The following POC1A variants were observed in gnomAD, a reference collection of about 807,000 sequenced individuals.
The protein encoded by POC1A is POC1 centriolar protein A.
In POC1A, 34 loss-of-function variants were observed where a neutral mutation model predicts 47.8. The observed-to-expected ratio is 0.71, with a 90% CI of 0.54 to 0.95. The LOEUF is 0.95. Among genes scored for constraint, POC1A ranks in the 40% least tolerant of loss-of-function variants. The pLI, the probability that POC1A is intolerant of heterozygous loss-of-function variation, is 0.00. For missense variants in POC1A, 466 were observed against 528.3 expected (o/e 0.88, Z 1.16); for synonymous variants, 177 against 207.6 (o/e 0.85, Z 1.27).
At chr3:52,154,203 GC>G in intron 1 of POC1A, 151 bp downstream of exon 1, 2 of 782,332 alleles carry the variant, frequency 2.6e-6, no homozygotes, top group Non-Finnish European at 4.0e-6. Flanking sequence ...CCGACCCAGC[GC>G]CCCCTGCGCA....
chr3:52,095,434 G>A (rs1702783288), intron 10 of POC1A, among the ~76,000 whole-genome samples: 1 of 152,204 alleles, frequency 6.6e-6, no homozygotes, highest in Non-Finnish European at 1.5e-5. Flanking sequence ...AGGATACCAT[G>A]CCATCTCAGC....
chr3:52,127,317 A>G, intron 7 of POC1A, among the ~76,000 whole-genome samples: 1 of 152,170 alleles, frequency 6.6e-6, no homozygotes, highest in East Asian at 1.9e-4. Context: ...CCAAGGGGTT[A>G]ACAGAGGGGT....
chr3:52,108,362 C>T (rs1229759334), intron 9 of POC1A, among the ~76,000 whole-genome samples: 1 of 152,170 alleles, frequency 6.6e-6, no homozygotes, highest in Admixed American at 6.5e-5. Flanking sequence ...TGAAGACGAG[C>T]GGCAGAGCCG....
intron 7 of POC1A, among the ~76,000 whole-genome samples, chr3:52,132,888 C>T (rs753243468): frequency 4.6e-5 from 7 of 151,844 alleles, no homozygotes; most frequent in East Asian, 1.9e-4. Flanking sequence ...CTACTAAAAA[C>T]GCAAAAAATT....
chr3:52,076,201 T>C (rs1702111818), intron 10 of POC1A, among the ~76,000 whole-genome samples: 1 of 152,168 alleles, frequency 6.6e-6, no homozygotes, highest in African/African-American at 2.4e-5. Context: ...GGCTGATCTA[T>C]AATGTTTGTG....
intron 7 of POC1A, among the ~76,000 whole-genome samples, chr3:52,137,222 T>C (rs1225147102): frequency 2.6e-5 from 4 of 152,022 alleles, no homozygotes; most frequent in African/African-American, 9.7e-5. Flanking sequence ...CTTGAGGAAG[T>C]AGAAGAAAAG....
intron 7 of POC1A, among the ~76,000 whole-genome samples, chr3:52,126,578 C>T (rs1704011606): frequency 6.6e-6 from 1 of 152,184 alleles, no homozygotes; most frequent in Non-Finnish European, 1.5e-5. Flanking sequence ...GTGCGGTGAC[C>T]CTTTGCCTTA....
chr3:52,098,490 C>A (rs76330761), intron 9 of POC1A, among the ~76,000 whole-genome samples: 11 of 152,324 alleles, frequency 7.2e-5, no homozygotes, highest in African/African-American at 2.2e-4. Context: ...TGAGCCAAAG[C>A]TGAGCCAGCT....
intron 8 of POC1A, 84 bp from the exon 9 acceptor site, chr3:52,122,561 T>C (rs892571861): frequency 9.2e-6 from 8 of 868,276 alleles, no homozygotes; most frequent in Non-Finnish European, 1.3e-5. Context: ...TCAGAGGCCA[T>C]GCCCAAAGTT....
At chr3:52,126,703 G>A (rs1704016247) in intron 7 of POC1A, among the ~76,000 whole-genome samples, 1 of 152,236 alleles carries the variant, frequency 6.6e-6, no homozygotes. Flanking sequence ...GCCAGCATCT[G>A]GCAAGGGCCT....
At chr3:52,110,089 C>T (rs7641984) in intron 9 of POC1A, among the ~76,000 whole-genome samples, 199 of 152,256 alleles carry the variant, frequency 1.3e-3, no homozygotes, top group African/African-American at 4.5e-3. Flanking sequence ...AAAGACAGCC[C>T]GCCTCTAGCC....
chr3:52,132,580 C>A (rs9841469), intron 7 of POC1A, among the ~76,000 whole-genome samples: 20,515 of 152,072 alleles, frequency 0.13, 2,128 homozygotes, highest in African/African-American at 0.28. Context: ...GTCCACTCTC[C>A]TCTCAGGATG....
intron 7 of POC1A, among the ~76,000 whole-genome samples, chr3:52,134,851 G>A (rs1415353661): frequency 6.6e-6 from 1 of 150,828 alleles, no homozygotes; most frequent in Admixed American, 6.6e-5. Context: ...CTTATCCATA[G>A]GACAGAAGCC....
intron 10 of POC1A, among the ~76,000 whole-genome samples, chr3:52,091,278 G>A (rs1048159706): frequency 4.6e-5 from 7 of 152,074 alleles, no homozygotes; most frequent in African/African-American, 1.7e-4. Context: ...TGACGCCCAC[G>A]CTCCTGACCT....
At chr3:52,134,591 C>T (rs1159933622) in intron 7 of POC1A, among the ~76,000 whole-genome samples, 1 of 152,114 alleles carries the variant, frequency 6.6e-6, no homozygotes, top group Non-Finnish European at 1.5e-5. Context: ...GAGATCGCAC[C>T]ACTGCACTCC....
Position 52,079,053 on chromosome 3 carries a change from G to A in POC1A, c.1126-3068C>T, listed in dbSNP as rs1460401369. On this transcript the variant is annotated intron_variant, in intron 10 of 10. Coordinates refer to ENST00000296484, the MANE Select transcript of POC1A (RefSeq NM_015426.5). The surrounding 1 kb of genome is among the most constrained non-coding windows in gnomAD (Gnocchi z 4.6). ...CCCAGCTGCACGGGAGCTGTGGGAG[G>A]AGGGCAGGAGAGCATCTGAGGTGGC... 6.6e-6 allele frequency among the ~76,000 whole-genome samples: 1 copy of A among 152,224 alleles called. No individual in the cohort carries two copies. The highest frequency in any genetic ancestry group is 1.5e-5 in the Non-Finnish European group (1 of 68,030).
chr3:52,117,260 G>A (rs1703600122), intron 9 of POC1A, among the ~76,000 whole-genome samples: 1 of 152,100 alleles, frequency 6.6e-6, no homozygotes, highest in Non-Finnish European at 1.5e-5. Flanking sequence ...GGCTGAGACA[G>A]GAGGATCGCT....
At position 52,095,414 on chromosome 3, in the gene POC1A, A is replaced by C. The variant is rs938958940; in HGVS notation, c.1125+1155T>G. 3.9e-5 allele frequency among the ~76,000 whole-genome samples: 6 copies of C among 152,284 alleles called. No homozygotes were observed. The South Asian group carries it at 1.0e-3, about 26-fold the overall frequency. On this transcript the variant is annotated intron_variant, in intron 10 of 10. Transcript: ENST00000296484. ...TTTTCTCACTTAGCCCACGATCCCA[A>C]GCTGGGGAAAGGATACCATGCCATC... is the stretch of plus-strand genomic sequence containing the variant.
intron 7 of POC1A, among the ~76,000 whole-genome samples, chr3:52,125,613 T>C (rs563246236): frequency 6.6e-6 from 1 of 152,038 alleles, no homozygotes; most frequent in Admixed American, 6.6e-5. Flanking sequence ...TCCCCAACAC[T>C]GCACAGTTGC....
Sources: allele counts gnomAD v4.1 joint callset (sites outside exome capture counted in the v4.1 genomes callset), GRCh38; gene constraint gnomAD v4.1.1; non-coding constraint Gnocchi (gnomAD v3.1); transcripts MANE v1.5; gene names NCBI Gene and HGNC (gene_info 2026-07-23, HGNC 2026-07-21).